The following KIFAP3 variants were observed in gnomAD, a reference collection of about 807,000 sequenced individuals.
The protein encoded by KIFAP3 is kinesin associated protein 3.
Under a neutral mutation model 106.5 loss-of-function variants are expected in KIFAP3, and 68 were observed. That is an observed-to-expected ratio of 0.64 (90% CI 0.53 to 0.78). The LOEUF (loss-of-function observed/expected upper bound fraction) is 0.78, where lower values mean the gene tolerates loss of function less well. Ranked by LOEUF, KIFAP3 falls within the 30% of genes least tolerant of loss-of-function variation. The pLI is 0.00. For synonymous variants in KIFAP3, 320 were observed against 311.5 expected (o/e 1.03, Z -0.29); for missense variants, 780 against 941.8 (o/e 0.83, Z 2.25).
intron 2 of KIFAP3, among the ~76,000 whole-genome samples, chr1:170,051,648 C>G (rs1354546913): frequency 6.6e-6 from 1 of 152,204 alleles, no homozygotes; most frequent in Non-Finnish European, 1.5e-5. Flanking sequence ...AACAGTCTCT[C>G]AGACCACAGT....
At chr1:170,074,963 A>G (rs1369267316), upstream of KIFAP3, among the ~76,000 whole-genome samples, 1 of 152,232 alleles carries the variant, frequency 6.6e-6, no homozygotes, top group African/African-American at 2.4e-5. Context: ...TCCAGCTAAT[A>G]AGGGAGGTTT....
At chr1:170,031,349 A>C (rs1369463828) in intron 8 of KIFAP3, among the ~76,000 whole-genome samples, 1 of 151,744 alleles carries the variant, frequency 6.6e-6, no homozygotes, top group Non-Finnish European at 1.5e-5. Flanking sequence ...GAATCATCAA[A>C]TAGTCAAGTA....
upstream of KIFAP3, among the ~76,000 whole-genome samples, chr1:170,075,066 G>T (rs1294721761): frequency 1.3e-5 from 2 of 152,206 alleles, no homozygotes; most frequent in African/African-American, 4.8e-5. Flanking sequence ...TAACTTTGAA[G>T]GCGGCAAGTC....
At chr1:169,927,836 T>A (rs1220974985) in intron 19 of KIFAP3, among the ~76,000 whole-genome samples, 1 of 152,162 alleles carries the variant, frequency 6.6e-6, no homozygotes, top group African/African-American at 2.4e-5. Flanking sequence ...AAAGGGAGGT[T>A]AGGACTAGAT....
At chr1:170,058,356 C>T (rs919806909) in intron 1 of KIFAP3, among the ~76,000 whole-genome samples, 7 of 152,038 alleles carry the variant, frequency 4.6e-5, no homozygotes, top group Non-Finnish European at 7.4e-5. Context: ...ATAACAGAGC[C>T]GTTTTAGGAA....
At chr1:170,054,738 T>G (rs561866582) in intron 2 of KIFAP3, among the ~76,000 whole-genome samples, 92 of 151,656 alleles carry the variant, frequency 6.1e-4, no homozygotes, top group Non-Finnish European at 1.1e-3. Context: ...ATGTTCTCAC[T>G]CATAAATGGG....
intron 10 of KIFAP3, among the ~76,000 whole-genome samples, chr1:170,010,952 G>A (rs1369556027): frequency 6.6e-6 from 1 of 151,752 alleles, no homozygotes; most frequent in Non-Finnish European, 1.5e-5. Context: ...ATATGAAATA[G>A]GTAATTCTTT....
intron 11 of KIFAP3, chr1:169,989,984 A>G: frequency 2.1e-6 from 3 of 1,446,250 alleles, no homozygotes; most frequent in East Asian, 2.6e-5. Flanking sequence ...AAGAGGAATT[A>G]CCTTCATAAG....
At chr1:169,923,818 C>T (rs770568190) in intron 19 of KIFAP3, among the ~76,000 whole-genome samples, 4 of 152,188 alleles carry the variant, frequency 2.6e-5, no homozygotes, top group East Asian at 1.9e-4. Context: ...GAACAAGGAG[C>T]GTCTCAGCTA....
rs552174767 is a variant in KIFAP3 at position 170,029,889 on chromosome 1, C to T, written c.841+1997G>A. Reference sequence around the variant, plus strand: ...TTCAGTAGATAAAAGATAGTGTTTTCAAAAGTAGTACTTAAATAATTAGCT... The same window carrying T: ...TTCAGTAGATAAAAGATAGTGTTTTTAAAAGTAGTACTTAAATAATTAGCT... On this transcript the variant is annotated intron_variant, in intron 8 of 19. Transcript: ENST00000361580. 3.3e-5 allele frequency among the ~76,000 whole-genome samples: 5 copies of T among 152,020 alleles called. No homozygotes were observed. The South Asian group carries it at 6.2e-4, about 19-fold the overall frequency.
intron 19 of KIFAP3, among the ~76,000 whole-genome samples, chr1:169,933,741 CTTAAT>C (rs1426373580): frequency 5.9e-5 from 9 of 152,196 alleles, no homozygotes; most frequent in African/African-American, 1.9e-4. Flanking sequence ...CATTTCCCCT[CTTAAT>C]TTAAGGACTA....
At chr1:170,033,672 A>G (rs1179290337) in intron 7 of KIFAP3, among the ~76,000 whole-genome samples, 1 of 151,790 alleles carries the variant, frequency 6.6e-6, no homozygotes, top group Non-Finnish European at 1.5e-5. Context: ...GAACCAATGG[A>G]TAGAAGTTAT....
intron 18 of KIFAP3, among the ~76,000 whole-genome samples, chr1:169,957,279 A>C (rs1665066511): frequency 6.6e-6 from 1 of 152,342 alleles, no homozygotes; most frequent in East Asian, 1.9e-4. Context: ...CAGGAAACAC[A>C]GATGATATAC....
At chr1:169,934,167 A>G (rs1035843100) in intron 19 of KIFAP3, among the ~76,000 whole-genome samples, 2 of 152,158 alleles carry the variant, frequency 1.3e-5, no homozygotes, top group Non-Finnish European at 2.9e-5. Context: ...GGCATGCTTC[A>G]TACACATGCT....
In KIFAP3 at chr1:170,021,405, A is replaced by T. The variant is rs967853197; in HGVS notation, c.1020+3013T>A. The stretch of plus-strand genomic sequence containing the variant: ...ACTGGTTGTTACAGCAAAACTTAAT[A>T]AAAAAAAACTTGGAGAGTTTGTTAT... On this transcript the variant is annotated intron_variant, in intron 9 of 19. Coordinates refer to ENST00000361580, the MANE Select transcript of KIFAP3 (RefSeq NM_014970.4). Among the ~76,000 whole-genome samples the T allele has an allele frequency of 2.6e-4, 39 of 150,706 alleles. 1 individual carries two copies. The highest frequency in any genetic ancestry group is 1.9e-4 in the East Asian group (1 of 5,176).
chr1:170,019,081 T>G (rs758480406), intron 9 of KIFAP3, among the ~76,000 whole-genome samples: 1 of 152,122 alleles, frequency 6.6e-6, no homozygotes, highest in Non-Finnish European at 1.5e-5. Flanking sequence ...ACCAAAAATT[T>G]TATGCTCCTA....
In KIFAP3 at chr1:169,983,379, T is replaced by C. The variant is rs1666630285; in HGVS notation, c.1397A>G (p.Asn466Ser). 3 of 1,598,190 alleles carry C rather than the reference T, an allele frequency of 1.9e-6. No homozygotes were observed. The highest frequency in any genetic ancestry group is 1.1e-5 in the South Asian group (1 of 88,456). Residue 466 changes from asparagine to serine, a missense_variant, in exon 13 of 20, where the codon AAT (asparagine) becomes AGT (serine). Coordinates refer to ENST00000361580, the MANE Select transcript of KIFAP3 (RefSeq NM_014970.4). ...KRNVQLICEGNGLKMLMKRAL... is the reference protein window; with the variant it reads ...KRNVQLICEGSGLKMLMKRAL... ...CCTCTTCATGAGCATCTTCAGCCCA[T>C]TTCCTGAAACAGAAAAGTCCCCCAA...
chr1:170,073,776 A>G (rs925820709), intron 1 of KIFAP3, among the ~76,000 whole-genome samples: 6 of 152,014 alleles, frequency 3.9e-5, no homozygotes, highest in Admixed American at 6.6e-5. Context: ...ACAGACTACA[A>G]TTTTTTTGAG....
intron 10 of KIFAP3, among the ~76,000 whole-genome samples, chr1:170,004,353 C>A (rs1032942344): frequency 1.2e-4 from 18 of 152,264 alleles, no homozygotes; most frequent in African/African-American, 2.6e-4. Context: ...TTGGAAAAAA[C>A]TACTTTAAAG....
Sources: gnomAD v4.1 joint callset for allele counts (sites outside exome capture counted in the v4.1 genomes callset) on GRCh38, gnomAD v4.1.1 for gene constraint, MANE v1.5 for transcripts, NCBI Gene and HGNC (gene_info 2026-07-23, HGNC 2026-07-21) for gene names.